The following FANCA variants were observed in gnomAD, a reference collection of about 807,000 sequenced individuals.
FANCA encodes FA complementation group A, also known as Fanconi anemia group A protein.
Under a neutral mutation model 194.3 loss-of-function variants are expected in FANCA, and 236 were observed. The ratio of observed to expected loss-of-function variants is 1.21; its 90% CI spans 1.09 to 1.35. The LOEUF is 1.35. FANCA is among the 40% of genes most tolerant of loss of function. FANCA has a pLI of 0.00. For missense variants in FANCA, 2,628 were observed against 1,813.9 expected (o/e 1.45, Z -8.15); for synonymous variants, 1,014 against 715.8 (o/e 1.42, Z -6.65).
chr16:89,772,358 C>T (rs553064325), intron 22 of FANCA, among the ~76,000 whole-genome samples: 1 of 152,374 alleles, frequency 6.6e-6, no homozygotes, highest in South Asian at 2.1e-4. Context: ...GGAACTGGCG[C>T]ACTTGGTCTG....
intron 38 of FANCA, chr16:89,740,486 T>G (rs2062102142): frequency 4.3e-6 from 2 of 465,000 alleles, no homozygotes; most frequent in Non-Finnish European, 7.8e-6. Context: ...AATACAAAAA[T>G]TAGCCGGGTG....
At position 89,755,633 on chromosome 16, in the gene FANCA, GAATT is replaced by G. The variant is rs1306265067; in HGVS notation, c.2981+2940_2981+2943del. The stretch of plus-strand genomic sequence containing the variant: ...CGATACTATCAAGAGAGTGAAAAAA[GAATT>G]AACAGAATGGGAAAAAATATTTACA... On this transcript the variant is annotated intron_variant, in intron 30 of 42. Coordinates refer to ENST00000389301, the MANE Select transcript of FANCA (RefSeq NM_000135.4). Among the ~76,000 whole-genome samples, 3 of 152,104 alleles carry G rather than the reference GAATT, an allele frequency of 2.0e-5. No homozygotes were observed. In the East Asian group the frequency reaches 5.8e-4, roughly 29 times the overall value.
In FANCA at chr16:89,739,915, G is replaced by T. The variant is rs376159415; in HGVS notation, c.3934+79C>A. 6.9e-6 allele frequency: 11 copies of T among 1,594,824 alleles called. No homozygotes were observed. The African/African-American group carries it at 1.3e-4, about 19-fold the overall frequency. On this transcript the variant is annotated intron_variant, in intron 39 of 42. Coordinates refer to ENST00000389301, the MANE Select transcript of FANCA (RefSeq NM_000135.4). ...TTACTTAGCAAGGAACCTCAAGGAG[G>T]GCTCGTTCTTAACCATTTGCAAGAT...
intron 29 of FANCA, among the ~76,000 whole-genome samples, chr16:89,759,756 G>A (rs1191459317): frequency 6.6e-6 from 1 of 152,184 alleles, no homozygotes; most frequent in Non-Finnish European, 1.5e-5. Flanking sequence ...GTGAGACCCT[G>A]TCTCAAACAA....
At chr16:89,752,055 C>A in intron 31 of FANCA, 83 bp downstream of exon 31, 1 of 1,249,148 alleles carries the variant, frequency 8.0e-7, no homozygotes, top group East Asian at 2.3e-5. Context: ...CAGGCGTGAG[C>A]CACCGCGCCT....
At chr16:89,751,635 A>T (rs1270401736) in intron 31 of FANCA, among the ~76,000 whole-genome samples, 1 of 152,196 alleles carries the variant, frequency 6.6e-6, no homozygotes, top group African/African-American at 2.4e-5. Flanking sequence ...ACGGGTGGCC[A>T]GCACCAGTAA....
At chr16:89,767,572 G>A (rs1440576082) in intron 26 of FANCA, among the ~76,000 whole-genome samples, 1 of 151,344 alleles carries the variant, frequency 6.6e-6, no homozygotes, top group Non-Finnish European at 1.5e-5. Flanking sequence ...TTTTTTGAGA[G>A]GGAGTCTTGC....
chr16:89,787,923 G>A (rs796552004), intron 14 of FANCA, among the ~76,000 whole-genome samples: 2 of 151,878 alleles, frequency 1.3e-5, no homozygotes, highest in African/African-American at 4.8e-5. Context: ...GCCCAGGCTG[G>A]AGTGCAGTGG....
intron 31 of FANCA, among the ~76,000 whole-genome samples, chr16:89,751,670 C>G (rs2038596359): frequency 6.6e-6 from 1 of 152,104 alleles, no homozygotes; most frequent in Admixed American, 6.5e-5. Context: ...ACAGTGAACC[C>G]ACACAGGTAC....
rs186497529 is a variant in FANCA at position 89,738,459 on chromosome 16, G to C, written c.*142C>G. On this transcript the variant is annotated 3_prime_UTR_variant, in exon 43 of 43. Transcript: ENST00000389301. ...ACGCTGAGTGACTCGGGGCCGGACA[G>C]TTCATAAATAATTGATTCCTTTCCC... The C allele has an allele frequency of 2.1e-5, 30 of 1,433,064 alleles. No individual in the cohort carries two copies. In the Admixed American group the frequency reaches 4.1e-4, roughly 19 times the overall value. The allele number at this position is 1,433,064 out of a possible 1,614,324, so 88.8% of individuals were successfully genotyped here.
In FANCA at chr16:89,739,165, G is replaced by T. The variant is rs372493612; in HGVS notation, c.4135C>A (p.Pro1379Thr). ...TTGAGCTCCAGGCTCCTGCCAGCTG[G>T]AGGTGAAACTGTGCTTGTATCCCCA... is the stretch of plus-strand genomic sequence containing the variant. ...VAGDTSTVSP[P>T]AGRSLELKGQ... The change falls in exon 41 of 43, where the codon CCA becomes ACA. Residue 1379 changes from proline to threonine, a missense_variant. Pro to Thr is a conservative substitution (Grantham distance 38, BLOSUM62 -1). Transcript: ENST00000389301. 1 of 1,614,152 alleles carries T rather than the reference G, an allele frequency of 6.2e-7. No individual in the cohort carries two copies. The highest frequency in any genetic ancestry group is 8.5e-7 in the Non-Finnish European group (1 of 1,180,042).
intron 31 of FANCA, among the ~76,000 whole-genome samples, chr16:89,751,830 G>T (rs1437535310): frequency 6.6e-6 from 1 of 151,868 alleles, no homozygotes; most frequent in Non-Finnish European, 1.5e-5. Flanking sequence ...GAGTGCAGTG[G>T]CACAATCTCG....
Position 89,745,035 on chromosome 16 carries a change from G to T in FANCA, c.3550C>A (p.Arg1184=), listed in dbSNP as rs201492940. 1 of 1,609,784 alleles carries T rather than the reference G, an allele frequency of 6.2e-7. No individual in the cohort carries two copies. The highest frequency in any genetic ancestry group is 1.1e-5 in the South Asian group (1 of 90,958). The change falls in exon 36 of 43, where the codon CGG becomes AGG. Residue 1184 remains arginine, a synonymous_variant. Transcript: ENST00000389301. ...GGGCTCTGGCAGTGTCTCCTCCACC[G>T]GCAGAGCAGCACAGGCTCCAGGCTC... ...WPSLEPVLLC[R]WRRHCQSPLP...
At chr16:89,767,452 C>G (rs1448372718) in intron 26 of FANCA, among the ~76,000 whole-genome samples, 2 of 152,084 alleles carry the variant, frequency 1.3e-5, no homozygotes, top group South Asian at 2.1e-4. Flanking sequence ...ACTGCAATCT[C>G]TGCCTCCCGG....
rs757442919 is a variant in FANCA at position 89,791,508 on chromosome 16, T to C, written c.1254A>G (p.Ala418=). The C allele has an allele frequency of 6.8e-6, 11 of 1,614,166 alleles. No individual in the cohort carries two copies. Among genetic ancestry groups the C allele is most frequent in the Middle Eastern group, 1.7e-4 (1 of 6,060 alleles). The change falls in exon 14 of 43, where the codon GCA becomes GCG. Residue 418 remains alanine, a synonymous_variant. Coordinates refer to ENST00000389301, the MANE Select transcript of FANCA (RefSeq NM_000135.4). The part of the protein sequence containing the change: ...EDWVARLMAQ[A]FESCQLDSMV... Reference sequence around the variant, plus strand: ...TGCTGTCCAGCTGGCAGCTCTCGAATGCCTGGGCCATCAAACGCGCCACCC... The same window carrying C: ...TGCTGTCCAGCTGGCAGCTCTCGAACGCCTGGGCCATCAAACGCGCCACCC...
At position 89,751,298 on chromosome 16, in the gene FANCA, G is replaced by A. The variant is rs776870957; in HGVS notation, c.3066+840C>T. Among the ~76,000 whole-genome samples, 80 of 152,150 alleles carry A rather than the reference G, an allele frequency of 5.3e-4. 3 individuals carry two copies. Among genetic ancestry groups the A allele is most frequent in the African/African-American group, 7.5e-4 (31 of 41,506 alleles). On this transcript the variant is annotated intron_variant, in intron 31 of 42. Coordinates refer to ENST00000389301, the MANE Select transcript of FANCA (RefSeq NM_000135.4). ...GTGGTTCACTTGGGCCCAGGAGTTCGAGACAAGCCTGGGCAACATGGCAAA... is the reference window on the plus strand; with the variant it reads ...GTGGTTCACTTGGGCCCAGGAGTTCAAGACAAGCCTGGGCAACATGGCAAA...
At chr16:89,816,433 G>A in intron 1 of FANCA, 104 bp downstream of exon 1, 3 of 1,083,738 alleles carry the variant, frequency 2.8e-6, no homozygotes, top group Non-Finnish European at 3.6e-6. Flanking sequence ...CGCGGCGTCC[G>A]GGGATCCGAC....
intron 20 of FANCA, chr16:89,778,372 AG>A: frequency 2.7e-6 from 1 of 377,244 alleles, no homozygotes; most frequent in Non-Finnish European, 5.1e-6. Context: ...AGGCTGAGGC[AG>A]GACAATTGCT....
intron 14 of FANCA, among the ~76,000 whole-genome samples, 180 bp from the exon 15 acceptor site, chr16:89,785,144 T>G (rs1007198078): frequency 2.6e-5 from 4 of 152,154 alleles, no homozygotes; most frequent in African/African-American, 9.7e-5. Context: ...TCCGGGCGGC[T>G]GCTGTAGTCG....
Sources: gnomAD v4.1 joint callset for allele counts (sites outside exome capture counted in the v4.1 genomes callset) on GRCh38, gnomAD v4.1.1 for gene constraint, MANE v1.5 for transcripts, NCBI Gene and HGNC (gene_info 2026-07-23, HGNC 2026-07-21) for gene names.